The following CCDC71L variants were observed in gnomAD, a reference collection of about 807,000 sequenced individuals.
The protein encoded by CCDC71L is coiled-coil domain-containing protein 71L.
In CCDC71L, 6 loss-of-function variants were observed where a neutral mutation model predicts 10.2. The ratio of observed to expected loss-of-function variants is 0.59; its 90% CI spans 0.32 to 1.16. The LOEUF is 1.16. CCDC71L is among the 50% of genes most tolerant of loss of function. CCDC71L has a pLI of 0.05. For synonymous variants in CCDC71L, 204 were observed against 175.5 expected, an observed-to-expected ratio of 1.16 and a Z score of -1.28; for missense variants, 366 against 383.4, an observed-to-expected ratio of 0.95 and a Z score of 0.38.
At position 106,655,202 on chromosome 7, in the gene CCDC71L, G is replaced by C. The variant is rs1392889698; in HGVS notation, c.*4987C>G. Among the ~76,000 whole-genome samples the C allele has an allele frequency of 6.6e-6, 1 of 152,072 alleles. No individual in the cohort carries two copies. The highest frequency in any genetic ancestry group is 1.5e-5 in the Non-Finnish European group (1 of 67,984). ...TTACTTCTGTGAAATCTGCAATTAG[G>C]CTCAATTTTTAGCTTCTTGTTCTTG... On this transcript the variant is annotated 3_prime_UTR_variant, in exon 1 of 1. Transcript: ENST00000523505.
In CCDC71L at chr7:106,660,024, C is replaced by G. The variant is rs1489903110; in HGVS notation, c.*165G>C. 1 of 1,003,760 alleles carries G rather than the reference C, an allele frequency of 1.0e-6. No homozygotes were observed. The highest frequency in any genetic ancestry group is 1.4e-6 in the Non-Finnish European group (1 of 736,794). 62.2% of individuals were successfully genotyped at this position (1,003,760 alleles called of 1,614,324 possible). On this transcript the variant is annotated 3_prime_UTR_variant, in exon 1 of 1. Coordinates refer to ENST00000523505, the MANE Select transcript of CCDC71L (RefSeq NM_175884.6). This position sits in a 1 kb window ranked among gnomAD's most constrained non-coding sequence, Gnocchi z 7.5. ...AGCGTCCAAGACGACCGCGCCGCGG[C>G]CCGGGACAGGGACAACCATCCGGCA...
rs954422895 is a variant in CCDC71L, at chr7:106,656,461, C to T, written c.*3728G>A. 3.3e-5 allele frequency among the ~76,000 whole-genome samples: 5 copies of T among 151,960 alleles called. No homozygotes were observed. The highest frequency in any genetic ancestry group is 7.4e-5 in the Non-Finnish European group (5 of 67,982). On this transcript the variant is annotated 3_prime_UTR_variant, in exon 1 of 1. Coordinates refer to ENST00000523505, the MANE Select transcript of CCDC71L (RefSeq NM_175884.6). ...TTTTGTCATCGTCACAGGGGCACCT[C>T]GGGTCAGGATTTAGAGAATTCTGAA... is the stretch of plus-strand genomic sequence containing the variant.
rs988884500 is a variant in CCDC71L at position 106,656,297 on chromosome 7, T to C, written c.*3892A>G. Among the ~76,000 whole-genome samples, 4 of 152,196 alleles carry C rather than the reference T, an allele frequency of 2.6e-5. No individual in the cohort carries two copies. Among genetic ancestry groups the C allele is most frequent in the Non-Finnish European group, 4.4e-5 (3 of 68,018 alleles). Reference sequence around the variant, plus strand: ...ATCCGGCTCTTGCTGTGCTGTTCACTAATACTCCACTTCTGCCTTCTAGAC... The same window carrying C: ...ATCCGGCTCTTGCTGTGCTGTTCACCAATACTCCACTTCTGCCTTCTAGAC... On this transcript the variant is annotated 3_prime_UTR_variant, in exon 1 of 1. Transcript: ENST00000523505.
rs1792462031 is a variant in CCDC71L at position 106,654,639 on chromosome 7, T to C, written c.*5550A>G. Among the ~76,000 whole-genome samples, 1 of 152,148 alleles carries C rather than the reference T, an allele frequency of 6.6e-6. No individual in the cohort carries two copies. The highest frequency in any genetic ancestry group is 1.5e-5 in the Non-Finnish European group (1 of 67,998). The stretch of plus-strand genomic sequence containing the variant: ...ATGCTGTAAGAAATCAAAATAATGG[T>C]TATCTTGGGCAAGAAGGTGAGTAGG... On this transcript the variant is annotated 3_prime_UTR_variant, in exon 1 of 1. Coordinates refer to ENST00000523505, the MANE Select transcript of CCDC71L (RefSeq NM_175884.6).
At position 106,660,952 on chromosome 7, in the gene CCDC71L, C is replaced by A. The variant is rs1792588419; in HGVS notation, c.-56G>T. 20 of 1,303,650 alleles carry A rather than the reference C, an allele frequency of 1.5e-5. No homozygotes were observed. Among genetic ancestry groups the A allele is most frequent in the Non-Finnish European group, 1.9e-5 (20 of 1,027,724 alleles). 80.8% of individuals were successfully genotyped at this position (1,303,650 alleles called of 1,614,324 possible). A position where few individuals can be genotyped will look rare whatever the true frequency, so the allele number is the denominator to read the frequency against. ...CGGGTCCCACTACTGCCGCCGCCGT[C>A]CCAGTCCGCGTTGGCTCCGCGGCGG... On this transcript the variant is annotated 5_prime_UTR_variant, in exon 1 of 1. Transcript: ENST00000523505. The surrounding 1 kb of genome is among the most constrained non-coding windows in gnomAD (Gnocchi z 7.5).
In CCDC71L at chr7:106,658,384, T is replaced by A. The variant is rs919312455; in HGVS notation, c.*1805A>T. ...GTGTGTATATATATATCATATTATT[T>A]CTTTTAACAAGAACACTGAAATTGA... On this transcript the variant is annotated 3_prime_UTR_variant, in exon 1 of 1. Transcript: ENST00000523505. 6.6e-6 allele frequency: 1 copy of A among 152,188 alleles called. No homozygotes were observed. Among genetic ancestry groups the A allele is most frequent in the Middle Eastern group, 3.2e-3 (1 of 316 alleles). The allele number at this position is 152,188 out of a possible 1,614,324, so 9.4% of individuals were successfully genotyped here. A position where few individuals can be genotyped will look rare whatever the true frequency, so the allele number is the denominator to read the frequency against.
chr7:106,658,071 A>G lies in CCDC71L; in HGVS notation c.*2118T>C, dbSNP rs1161853139. ...TCATTATTATAAAACTATATACAAT[A>G]GTAAAGTTGTACAAATACATTTTTT... On this transcript the variant is annotated 3_prime_UTR_variant, in exon 1 of 1. Transcript: ENST00000523505. 3.3e-5 allele frequency: 5 copies of G among 152,224 alleles called. No homozygotes were observed. The highest frequency in any genetic ancestry group is 1.3e-4 in the Admixed American group (2 of 15,292). 9.4% of individuals were successfully genotyped at this position (152,224 alleles called of 1,614,324 possible).
At position 106,660,387 on chromosome 7, in the gene CCDC71L, G is replaced by A; in HGVS notation, c.510C>T (p.Pro170=). The A allele has an allele frequency of 7.5e-7, 1 of 1,336,244 alleles. No individual in the cohort carries two copies. The highest frequency in any genetic ancestry group is 3.1e-5 in the East Asian group (1 of 31,866). The allele number at this position is 1,336,244 out of a possible 1,614,324, so 82.8% of individuals were successfully genotyped here. ...CCTCCAAGGTGCGGCCCCCGAAGCAGGGCCCGGGGGCCACGGGCTTGGCCG... is the reference window on the plus strand; with the variant it reads ...CCTCCAAGGTGCGGCCCCCGAAGCAAGGCCCGGGGGCCACGGGCTTGGCCG... ...SCPAKPVAPG[P]CFGGRTLEEI... is the part of the protein sequence containing the mutation. Residue 170 remains proline, a synonymous_variant, in exon 1 of 1, where the codon CCC becomes CCT. Coordinates refer to ENST00000523505, the MANE Select transcript of CCDC71L (RefSeq NM_175884.6). This position sits in a 1 kb window ranked among gnomAD's most constrained non-coding sequence, Gnocchi z 7.5.
Position 106,660,100 on chromosome 7 carries a change from T to A in CCDC71L, c.*89A>T. The A allele has an allele frequency of 7.2e-7, 1 of 1,394,528 alleles. No homozygotes were observed. The highest frequency in any genetic ancestry group is 9.3e-7 in the Non-Finnish European group (1 of 1,078,654). 86.4% of individuals were successfully genotyped at this position (1,394,528 alleles called of 1,614,324 possible). A position where few individuals can be genotyped will look rare whatever the true frequency, so the allele number is the denominator to read the frequency against. On this transcript the variant is annotated 3_prime_UTR_variant, in exon 1 of 1. Coordinates refer to ENST00000523505, the MANE Select transcript of CCDC71L (RefSeq NM_175884.6). The surrounding 1 kb of genome is among the most constrained non-coding windows in gnomAD (Gnocchi z 7.5). ...GGGGCCGGGGTCCTGGCCGGATCTG[T>A]AAACACTCGACTGACACTTGTTCAT... is the stretch of plus-strand genomic sequence containing the variant.
At position 106,656,978 on chromosome 7, in the gene CCDC71L, C is replaced by T. The variant is rs1792502019; in HGVS notation, c.*3211G>A. 6.6e-6 allele frequency: 1 copy of T among 152,084 alleles called. No individual in the cohort carries two copies. The highest frequency in any genetic ancestry group is 2.4e-5 in the African/African-American group (1 of 41,398). The allele number at this position is 152,084 out of a possible 1,614,324, so 9.4% of individuals were successfully genotyped here. The stretch of plus-strand genomic sequence containing the variant: ...TTAGGCATGTATGTCCATTAAAAAC[C>T]ATTAAAGAGTCCTGTGGCAATCCTT... On this transcript the variant is annotated 3_prime_UTR_variant, in exon 1 of 1. Transcript: ENST00000523505.
rs1792589739 is a variant in CCDC71L at position 106,660,986 on chromosome 7, G to C, written c.-90C>G. 7.7e-6 allele frequency: 10 copies of C among 1,292,994 alleles called. No individual in the cohort carries two copies. The highest frequency in any genetic ancestry group is 8.8e-6 in the Non-Finnish European group (9 of 1,022,886). The allele number at this position is 1,292,994 out of a possible 1,614,324, so 80.1% of individuals were successfully genotyped here. On this transcript the variant is annotated 5_prime_UTR_variant, in exon 1 of 1. Transcript: ENST00000523505. The surrounding 1 kb of genome is among the most constrained non-coding windows in gnomAD (Gnocchi z 7.5). ...CGTTGGCTCCGCGGCGGCGGCTGCT[G>C]CTGGCGTCTCTCGCTACTTTTCTCG...
In CCDC71L at chr7:106,660,069, G is replaced by A; in HGVS notation, c.*120C>T. On this transcript the variant is annotated 3_prime_UTR_variant, in exon 1 of 1. Transcript: ENST00000523505. The surrounding 1 kb of genome is among the most constrained non-coding windows in gnomAD (Gnocchi z 7.5). ...CCGGCAACTTCTTCGCGCGTAAAGTGCATTGGGGGCCGGGGTCCTGGCCGG... is the reference window on the plus strand; with the variant it reads ...CCGGCAACTTCTTCGCGCGTAAAGTACATTGGGGGCCGGGGTCCTGGCCGG... 3 of 1,282,360 alleles carry A rather than the reference G, an allele frequency of 2.3e-6. No homozygotes were observed. Among genetic ancestry groups the A allele is most frequent in the Non-Finnish European group, 3.0e-6 (3 of 988,128 alleles). 79.4% of individuals were successfully genotyped at this position (1,282,360 alleles called of 1,614,324 possible).
In CCDC71L at chr7:106,660,411, C is replaced by T. The variant is rs1000879162; in HGVS notation, c.486G>A (p.Pro162=). ...AGGGCCCGGGGGCCACGGGCTTGGCCGGGCAGCTCTCCTCGGGGGGCGGCG... is the reference window on the plus strand; with the variant it reads ...AGGGCCCGGGGGCCACGGGCTTGGCTGGGCAGCTCTCCTCGGGGGGCGGCG... ...PPPPPPEESC[P]AKPVAPGPCF... is the part of the protein sequence containing the mutation. The change falls in exon 1 of 1, where the codon CCG becomes CCA. Residue 162 remains proline (P), a synonymous_variant. Transcript: ENST00000523505. This position sits in a 1 kb window ranked among gnomAD's most constrained non-coding sequence, Gnocchi z 7.5. The T allele has an allele frequency of 3.6e-5, 46 of 1,270,738 alleles. 1 individual carries two copies. In the African/African-American group the frequency reaches 5.8e-4, roughly 16 times the overall value. The allele number at this position is 1,270,738 out of a possible 1,614,324, so 78.7% of individuals were successfully genotyped here. A position where few individuals can be genotyped will look rare whatever the true frequency, so the allele number is the denominator to read the frequency against.
chr7:106,659,180 T>C lies in CCDC71L; in HGVS notation c.*1009A>G, dbSNP rs894294552. 4 of 152,192 alleles carry C rather than the reference T, an allele frequency of 2.6e-5. No homozygotes were observed. The highest frequency in any genetic ancestry group is 6.5e-5 in the Admixed American group (1 of 15,288). 9.4% of individuals were successfully genotyped at this position (152,192 alleles called of 1,614,324 possible). A position where few individuals can be genotyped will look rare whatever the true frequency, so the allele number is the denominator to read the frequency against. On this transcript the variant is annotated 3_prime_UTR_variant, in exon 1 of 1. Transcript: ENST00000523505. ...TATGCAACTCCCATTTTAAAATACATTATCCTTGTAAAATACATTACAAGG... is the reference window on the plus strand; with the variant it reads ...TATGCAACTCCCATTTTAAAATACACTATCCTTGTAAAATACATTACAAGG...
At position 106,660,274 on chromosome 7, in the gene CCDC71L, G is replaced by A. The variant is rs1189097176; in HGVS notation, c.623C>T (p.Ala208Val). ...GACCTGGCGCGCCCTGCGCCGCGCTGCCGCCAGGCTGCGCTCGCCCCACAC... is the reference window on the plus strand; with the variant it reads ...GACCTGGCGCGCCCTGCGCCGCGCTACCGCCAGGCTGCGCTCGCCCCACAC... ...SDVWGERSLA[A>V]ARRRARQVLR... Residue 208 changes from alanine (A) to valine (V), a missense_variant, in exon 1 of 1, where the codon GCA becomes GTA. Coordinates refer to ENST00000523505, the MANE Select transcript of CCDC71L (RefSeq NM_175884.6). The surrounding 1 kb of genome is among the most constrained non-coding windows in gnomAD (Gnocchi z 7.5). 8 of 1,568,782 alleles carry A rather than the reference G, an allele frequency of 5.1e-6. No homozygotes were observed. The highest frequency in any genetic ancestry group is 3.5e-5 in the Admixed American group (2 of 57,516).
rs1031551295 is a variant in CCDC71L at position 106,654,738 on chromosome 7, C to A, written c.*5451G>T. Among the ~76,000 whole-genome samples the A allele has an allele frequency of 1.3e-5, 2 of 151,940 alleles. No individual in the cohort carries two copies. Among genetic ancestry groups the A allele is most frequent in the Non-Finnish European group, 2.9e-5 (2 of 67,932 alleles). ...TATTTTTTTAATCTGAGTGCTAGTT[C>A]CATGAGCCTATTGAATTTATGAAAA... On this transcript the variant is annotated 3_prime_UTR_variant, in exon 1 of 1. Transcript: ENST00000523505.
chr7:106,655,724 A>T lies in CCDC71L; in HGVS notation c.*4465T>A, dbSNP rs1792479915. Reference sequence around the variant, plus strand: ...AAAAGAAGATGTGAATCTTTAAAAAAACTCCAACAACAAAAATTGTAATAA... The same window carrying T: ...AAAAGAAGATGTGAATCTTTAAAAATACTCCAACAACAAAAATTGTAATAA... On this transcript the variant is annotated 3_prime_UTR_variant, in exon 1 of 1. Transcript: ENST00000523505. Among the ~76,000 whole-genome samples the T allele has an allele frequency of 6.6e-6, 1 of 152,156 alleles. No homozygotes were observed. The highest frequency in any genetic ancestry group is 6.5e-5 in the Admixed American group (1 of 15,272).
chr7:106,660,196 CG>C lies in CCDC71L; in HGVS notation c.700del (p.Arg234GlyfsTer25). 1 of 1,561,074 alleles carries C rather than the reference CG, an allele frequency of 6.4e-7. No individual in the cohort carries two copies. The highest frequency in any genetic ancestry group is 2.5e-5 in the East Asian group (1 of 40,496). ...CGCCCTGGAGGCCGCACCTCATGCC[CG>C]GGGCACCGGGAAGCGGCGGAGCCTC... is the stretch of plus-strand genomic sequence containing the variant. ...MVRLRRFPVP[R>X]A is the part of the protein sequence containing the mutation. On this transcript the variant is annotated frameshift_variant, in exon 1 of 1. Transcript: ENST00000523505. LOFTEE classifies it high-confidence loss of function. The surrounding 1 kb of genome is among the most constrained non-coding windows in gnomAD (Gnocchi z 7.5).
At position 106,657,965 on chromosome 7, in the gene CCDC71L, A is replaced by C. The variant is rs1792518409; in HGVS notation, c.*2224T>G. The C allele has an allele frequency of 2.0e-5, 3 of 152,338 alleles. No individual in the cohort carries two copies. In the South Asian group the frequency reaches 6.2e-4, roughly 32 times the overall value. The allele number at this position is 152,338 out of a possible 1,614,324, so 9.4% of individuals were successfully genotyped here. On this transcript the variant is annotated 3_prime_UTR_variant, in exon 1 of 1. Transcript: ENST00000523505. The stretch of plus-strand genomic sequence containing the variant: ...GAGCAGTTATCCTCCCAGTTAAGCC[A>C]AATTTCAAAATCCTCTGGAAAACTA...
Sources: allele counts gnomAD v4.1 joint callset (sites outside exome capture counted in the v4.1 genomes callset), GRCh38; gene constraint gnomAD v4.1.1; non-coding constraint Gnocchi (gnomAD v3.1); transcripts MANE v1.5; gene names NCBI Gene and HGNC (gene_info 2026-07-23, HGNC 2026-07-21).